CACNA1C: variants seen among roughly 807,000 people sequenced by gnomAD.
CACNA1C encodes calcium voltage-gated channel subunit alpha1 C.
CACNA1C carries 30 observed loss-of-function variants against 229.0 expected under a neutral mutation model. That is an observed-to-expected ratio of 0.13 (90% CI 0.10 to 0.18). CACNA1C has a LOEUF of 0.18. CACNA1C is among the 10% of genes least tolerant of loss of function. The pLI, the probability that CACNA1C is intolerant of heterozygous loss-of-function variation, is 1.00. For missense variants in CACNA1C, 1,658 were observed against 2,845.0 expected, an observed-to-expected ratio of 0.58 and a Z score of 9.49; for synonymous variants, 1,114 against 1,132.5, an observed-to-expected ratio of 0.98 and a Z score of 0.33.
At position 2,536,850 on chromosome 12, in the gene CACNA1C, T is replaced by G. The variant is rs1225095393; in HGVS notation, c.1391-13093T>G. On this transcript the variant is annotated intron_variant, in intron 9 of 46. Transcript: ENST00000399655. Reference sequence around the variant, plus strand: ...TTTCAGAAAAAATAAAAATAAAAAATCAAATGAAGGGCTGGCCTACAATCC... The same window carrying G: ...TTTCAGAAAAAATAAAAATAAAAAAGCAAATGAAGGGCTGGCCTACAATCC... 3.3e-5 allele frequency among the ~76,000 whole-genome samples: 5 copies of G among 152,012 alleles called. No individual in the cohort carries two copies. The South Asian group carries it at 6.2e-4, about 19-fold the overall frequency.
At chr12:2,071,030 C>T (rs2061025074) in intron 1 of CACNA1C, among the ~76,000 whole-genome samples, 1 of 137,372 alleles carries the variant, frequency 7.3e-6, no homozygotes, top group African/African-American at 2.7e-5. Context: ...TTCCTTCCTC[C>T]TTCCTTCCCT....
intron 3 of CACNA1C, among the ~76,000 whole-genome samples, chr12:2,261,970 C>T (rs2080419461): frequency 6.6e-6 from 1 of 152,212 alleles, no homozygotes; most frequent in Admixed American, 6.5e-5. Flanking sequence ...TGCAGTTATC[C>T]TCATGGGGGA....
At chr12:2,333,985 C>T (rs1393156867) in intron 3 of CACNA1C, among the ~76,000 whole-genome samples, 1 of 152,206 alleles carries the variant, frequency 6.6e-6, no homozygotes, top group Non-Finnish European at 1.5e-5. Flanking sequence ...TCCCTTCTTA[C>T]TCCTTCTGCA....
rs146290186 is a variant in CACNA1C at position 2,077,878 on chromosome 12, T to C, written c.49+24267T>C. On this transcript the variant is annotated intron_variant, in intron 1 of 46. Coordinates refer to ENST00000399655, the MANE Select transcript of CACNA1C (RefSeq NM_000719.7). ...AAACTCTCGGGCTGTATCAACCACA[T>C]GTGTGGCACCTGAATTCATACTACT... is the stretch of plus-strand genomic sequence containing the variant. Among the ~76,000 whole-genome samples, 1,465 of 152,312 alleles carry C rather than the reference T, an allele frequency of 9.6e-3. 19 individuals are homozygous for C. Among genetic ancestry groups the C allele is most frequent in the African/African-American group, 0.033 (1,376 of 41,578 alleles).
Position 2,493,419 on chromosome 12 carries a change from G to A in CACNA1C, c.1113+33G>A. ...GCATGAGTGGGCAGTCAGAGGGTGGGGGAACAGCGGCCGTGAACCCTTCCC... is the reference window on the plus strand; with the variant it reads ...GCATGAGTGGGCAGTCAGAGGGTGGAGGAACAGCGGCCGTGAACCCTTCCC... On this transcript the variant is annotated intron_variant, in intron 7 of 46. Coordinates refer to ENST00000399655, the MANE Select transcript of CACNA1C (RefSeq NM_000719.7). This position sits in a 1 kb window ranked among gnomAD's most constrained non-coding sequence, Gnocchi z 4.6. The A allele has an allele frequency of 6.4e-7, 1 of 1,559,686 alleles. No homozygotes were observed. The highest frequency in any genetic ancestry group is 1.1e-5 in the South Asian group (1 of 89,696).
chr12:2,680,434 G>A (rs1388309579), intron 42 of CACNA1C: 3 of 1,561,442 alleles, frequency 1.9e-6, no homozygotes, highest in East Asian at 4.8e-5. Context: ...GCTCCTCCCT[G>A]TCTGCATCAG....
chr12:2,538,491 A>G (rs1310703182), intron 9 of CACNA1C, among the ~76,000 whole-genome samples: 1 of 151,784 alleles, frequency 6.6e-6, no homozygotes, highest in Non-Finnish European at 1.5e-5. Context: ...TTATTCTACA[A>G]CCTTCTTTTC....
chr12:2,141,046 G>C (rs1475332084), intron 3 of CACNA1C, among the ~76,000 whole-genome samples: 16 of 151,132 alleles, frequency 1.1e-4, no homozygotes, highest in Admixed American at 2.7e-4. Flanking sequence ...AGATGGGCTG[G>C]CTCTGGGCAG....
At chr12:2,311,741 A>G (rs1285790243) in intron 3 of CACNA1C, among the ~76,000 whole-genome samples, 1 of 152,224 alleles carries the variant, frequency 6.6e-6, no homozygotes, top group Admixed American at 6.5e-5. Context: ...GTGGCATCTC[A>G]TACTTGCCTG....
rs1043039570 is a variant in CACNA1C, at chr12:2,108,352, T to C, written c.50-6872T>C. On this transcript the variant is annotated intron_variant, in intron 1 of 46. Transcript: ENST00000399655. This position sits in a 1 kb window ranked among gnomAD's most constrained non-coding sequence, Gnocchi z 5.3. The stretch of plus-strand genomic sequence containing the variant: ...TGCGGTTCGGGTACAATTATGAGGC[T>C]GGGGGACCTGGAAGCCACTGTGCCA... Among the ~76,000 whole-genome samples, 1 of 152,168 alleles carries C rather than the reference T, an allele frequency of 6.6e-6. No individual in the cohort carries two copies. The highest frequency in any genetic ancestry group is 2.4e-5 in the African/African-American group (1 of 41,424).
intron 3 of CACNA1C, among the ~76,000 whole-genome samples, chr12:2,337,041 A>T (rs2096717926): frequency 6.6e-6 from 1 of 152,180 alleles, no homozygotes; most frequent in South Asian, 2.1e-4. Flanking sequence ...ACCAATGCAT[A>T]TGGGAAGCTG....
At chr12:2,375,932 A>G (rs1246423417) in intron 3 of CACNA1C, among the ~76,000 whole-genome samples, 3 of 152,190 alleles carry the variant, frequency 2.0e-5, no homozygotes, top group African/African-American at 4.8e-5. Flanking sequence ...ACCTTCTCAC[A>G]TGGGAGGAGT....
At chr12:2,122,498 C>T (rs1378222554) in intron 3 of CACNA1C, among the ~76,000 whole-genome samples, 3 of 152,170 alleles carry the variant, frequency 2.0e-5, no homozygotes, top group Non-Finnish European at 2.9e-5. Context: ...CGATTCTGCC[C>T]CATGGAGAAA....
intron 1 of CACNA1C, among the ~76,000 whole-genome samples, chr12:2,113,135 C>T (rs2082407042): frequency 6.6e-6 from 1 of 152,164 alleles, no homozygotes; most frequent in East Asian, 1.9e-4. Context: ...CCACACCTGT[C>T]TCACCTGCCT....
chr12:2,525,638 C>T (rs2099817311), intron 9 of CACNA1C, among the ~76,000 whole-genome samples: 1 of 121,336 alleles, frequency 8.2e-6, no homozygotes, highest in Non-Finnish European at 1.7e-5. Flanking sequence ...TTCCAAGCAA[C>T]TCAGCCTATT....
rs1391609599 is a variant in CACNA1C, at chr12:2,545,599, A to G, written c.1391-4344A>G. 2.0e-5 allele frequency among the ~76,000 whole-genome samples: 3 copies of G among 152,356 alleles called. No homozygotes were observed. The East Asian group carries it at 5.8e-4, about 29-fold the overall frequency. ...ATCCTTTCCATAGTCTAAAATAAAC[A>G]TAAAATAAATAGCAAGTAATACATC... On this transcript the variant is annotated intron_variant, in intron 9 of 46. Coordinates refer to ENST00000399655, the MANE Select transcript of CACNA1C (RefSeq NM_000719.7).
At chr12:2,437,498 TTATC>T (rs1596240910) in intron 3 of CACNA1C, among the ~76,000 whole-genome samples, 2 of 152,226 alleles carry the variant, frequency 1.3e-5, no homozygotes, top group African/African-American at 4.8e-5. Flanking sequence ...TTGTGGAAGA[TTATC>T]TAAGCCCTCT....
intron 3 of CACNA1C, among the ~76,000 whole-genome samples, chr12:2,292,415 G>A (rs2093604201): frequency 6.6e-6 from 1 of 152,208 alleles, no homozygotes; most frequent in African/African-American, 2.4e-5. Flanking sequence ...TTGATATTCT[G>A]AGGTATTTGG....
chr12:2,535,127 C>A (rs915603681), intron 9 of CACNA1C, among the ~76,000 whole-genome samples: 19 of 152,230 alleles, frequency 1.2e-4, no homozygotes, highest in African/African-American at 4.6e-4. Flanking sequence ...CGGTGGCTCA[C>A]GCCTATCATC....
Sources: allele counts gnomAD v4.1 joint callset (sites outside exome capture counted in the v4.1 genomes callset), GRCh38; gene constraint gnomAD v4.1.1; non-coding constraint Gnocchi (gnomAD v3.1); transcripts MANE v1.5; gene names NCBI Gene and HGNC (gene_info 2026-07-23, HGNC 2026-07-21).